Variants in UST observed in about 807,000 individuals in gnomAD.
The protein encoded by UST is chondroitin sulfate 2-O-sulfotransferase.
UST carries 21 observed loss-of-function variants against 45.6 expected under a neutral mutation model. The ratio of observed to expected loss-of-function variants is 0.46; its 90% CI spans 0.33 to 0.66. The LOEUF is 0.66. Ranked by LOEUF, UST falls within the 30% of genes least tolerant of loss-of-function variation. The pLI is 0.02. For missense variants in UST, 463 were observed against 512.4 expected (o/e 0.90, Z 0.93); for synonymous variants, 215 against 200.6 (o/e 1.07, Z -0.61).
chr6:148,878,866 T>C (rs1464781996), intron 1 of UST, among the ~76,000 whole-genome samples: 3 of 151,774 alleles, frequency 2.0e-5, no homozygotes, highest in African/African-American at 7.3e-5. Flanking sequence ...GTGGGGATCA[T>C]GTATGAGTGT....
At chr6:148,874,377 A>T (rs1778611162) in intron 1 of UST, among the ~76,000 whole-genome samples, 1 of 152,246 alleles carries the variant, frequency 6.6e-6, no homozygotes, top group African/African-American at 2.4e-5. Context: ...AAAACAAGGC[A>T]GTGTTTTTGA....
At chr6:149,015,173 T>C (rs1164284476) in intron 5 of UST, among the ~76,000 whole-genome samples, 1 of 152,102 alleles carries the variant, frequency 6.6e-6, no homozygotes, top group Non-Finnish European at 1.5e-5. Flanking sequence ...GTGGAAACAT[T>C]ACAGGAGCAA....
intron 1 of UST, among the ~76,000 whole-genome samples, chr6:148,844,067 C>T (rs115858684): frequency 3.0e-4 from 45 of 152,326 alleles, no homozygotes; most frequent in African/African-American, 1.1e-3. Flanking sequence ...CCATCGTCTC[C>T]TTTAGGTAGC....
chr6:149,012,817 A>C (rs1047271240), intron 5 of UST, among the ~76,000 whole-genome samples: 10 of 152,080 alleles, frequency 6.6e-5, no homozygotes, highest in African/African-American at 2.2e-4. Context: ...AAAAAAAAAA[A>C]AAAAAACTAT....
intron 5 of UST, among the ~76,000 whole-genome samples, chr6:148,991,667 A>G (rs1214144037): frequency 2.6e-5 from 4 of 152,038 alleles, no homozygotes; most frequent in African/African-American, 9.7e-5. Flanking sequence ...TTCTTGGATC[A>G]ATGTCATGGT....
intron 2 of UST, among the ~76,000 whole-genome samples, chr6:148,915,247 A>G (rs191481145): frequency 1.1e-4 from 16 of 152,368 alleles, no homozygotes; most frequent in African/African-American, 3.6e-4. Flanking sequence ...AAAGTGGCCT[A>G]TACAAGATAG....
intron 2 of UST, among the ~76,000 whole-genome samples, chr6:148,891,724 A>T (rs928150240): frequency 1.3e-5 from 2 of 152,248 alleles, no homozygotes; most frequent in Non-Finnish European, 2.9e-5. Context: ...TTAAATAAGC[A>T]ATCTGGTACA....
intron 5 of UST, among the ~76,000 whole-genome samples, chr6:149,016,161 T>C (rs944431396): frequency 1.3e-5 from 2 of 152,248 alleles, no homozygotes; most frequent in Non-Finnish European, 2.9e-5. Flanking sequence ...ATCAACCTAA[T>C]GGGCTCAAAT....
intron 5 of UST, among the ~76,000 whole-genome samples, chr6:148,979,492 G>T (rs1304263968): frequency 1.3e-5 from 2 of 152,186 alleles, no homozygotes; most frequent in African/African-American, 4.8e-5. Flanking sequence ...TTCTGTTGAA[G>T]AAGTACTGGG....
intron 1 of UST, among the ~76,000 whole-genome samples, chr6:148,823,833 T>C (rs1777515283): frequency 6.6e-6 from 1 of 152,210 alleles, no homozygotes; most frequent in Admixed American, 6.5e-5. Flanking sequence ...CACCTTCAGT[T>C]GATGATGCAG....
chr6:148,865,106 G>T (rs1778400046), intron 1 of UST, among the ~76,000 whole-genome samples: 1 of 152,220 alleles, frequency 6.6e-6, no homozygotes. Flanking sequence ...ACTGCAGGTG[G>T]CATTTGGATG....
rs530364760 is a variant in UST at position 149,043,245 on chromosome 6, G to C, written c.937+21764G>C. 3.3e-5 allele frequency among the ~76,000 whole-genome samples: 5 copies of C among 151,670 alleles called. No individual in the cohort carries two copies. In the East Asian group the frequency reaches 9.7e-4, roughly 30 times the overall value. ...CCTGCCTCAGCCTCCCAAGTAGCTAGGACCACAGGTTTGTGCCGCCATACC... is the reference window on the plus strand; with the variant it reads ...CCTGCCTCAGCCTCCCAAGTAGCTACGACCACAGGTTTGTGCCGCCATACC... On this transcript the variant is annotated intron_variant, in intron 7 of 7. Transcript: ENST00000367463.
intron 1 of UST, among the ~76,000 whole-genome samples, chr6:148,825,945 G>C (rs2114750918): frequency 6.6e-6 from 1 of 152,290 alleles, no homozygotes; most frequent in East Asian, 1.9e-4. Flanking sequence ...TGCAGGAATA[G>C]GGTTGAGGAG....
intron 1 of UST, among the ~76,000 whole-genome samples, chr6:148,780,287 A>T (rs1231630051): frequency 6.6e-6 from 1 of 152,076 alleles, no homozygotes; most frequent in East Asian, 1.9e-4. Flanking sequence ...TTCTTTTTTT[A>T]AAACTTTTAT....
intron 1 of UST, among the ~76,000 whole-genome samples, chr6:148,873,482 C>T (rs908210665): frequency 1.3e-5 from 2 of 152,186 alleles, no homozygotes; most frequent in Non-Finnish European, 2.9e-5. Context: ...CTGGGGGGTG[C>T]TGGATGTTGC....
chr6:148,830,708 A>G (rs1162493927), intron 1 of UST, among the ~76,000 whole-genome samples: 1 of 152,262 alleles, frequency 6.6e-6, no homozygotes, highest in Non-Finnish European at 1.5e-5. Flanking sequence ...GCAAGATGCA[A>G]AAAGACACTG....
At chr6:148,993,956 CTTTTTT>C (rs57552256) in intron 5 of UST, among the ~76,000 whole-genome samples, 7 of 95,352 alleles carry the variant, frequency 7.3e-5, no homozygotes, top group East Asian at 3.2e-4. Context: ...TATTTCTTTC[CTTTTTT>C]TTTTTTTTTT....
intron 2 of UST, among the ~76,000 whole-genome samples, chr6:148,905,078 A>G (rs1165828331): frequency 6.6e-6 from 1 of 152,230 alleles, no homozygotes; most frequent in Non-Finnish European, 1.5e-5. Context: ...AATAGGAAGT[A>G]ATGATTTCCC....
chr6:148,832,710 A>T (rs1361718961), intron 1 of UST, among the ~76,000 whole-genome samples: 1 of 152,220 alleles, frequency 6.6e-6, no homozygotes, highest in Non-Finnish European at 1.5e-5. Context: ...CAGTGGCATG[A>T]GCCTTAGGAT....
Sources: allele counts gnomAD v4.1 joint callset (sites outside exome capture counted in the v4.1 genomes callset), GRCh38; gene constraint gnomAD v4.1.1; transcripts MANE v1.5; gene names NCBI Gene and HGNC (gene_info 2026-07-23, HGNC 2026-07-21).